The following RBFOX1 variants were observed in gnomAD, a reference collection of about 807,000 sequenced individuals.
RBFOX1 encodes RNA binding protein fox-1 homolog 1.
RBFOX1 carries 8 observed loss-of-function variants against 57.7 expected under a neutral mutation model. The observed-to-expected ratio is 0.14, with a 90% confidence interval of 0.08 to 0.25. RBFOX1 has a LOEUF of 0.25. Among genes scored for constraint, RBFOX1 ranks in the 10% least tolerant of loss-of-function variants. The probability of loss-of-function intolerance (pLI) is 1.00; values close to 1 mark genes in which losing one functional copy is unlikely to be tolerated. For missense variants in RBFOX1, 611 were observed against 548.5 expected (o/e 1.11, Z -1.14); for synonymous variants, 326 against 222.4 (o/e 1.47, Z -4.15).
At chr16:6,784,679 A>G (rs949231029) in intron 3 of RBFOX1, among the ~76,000 whole-genome samples, 16 of 149,526 alleles carry the variant, frequency 1.1e-4, no homozygotes, top group Non-Finnish European at 1.5e-4. Flanking sequence ...GCATGAGGGC[A>G]TTTGTTAATG....
intron 2 of RBFOX1, among the ~76,000 whole-genome samples, chr16:5,539,508 G>A (rs1049094039): frequency 3.9e-5 from 6 of 152,112 alleles, no homozygotes; most frequent in African/African-American, 1.4e-4. Context: ...GGGAGGCTGA[G>A]GCAGGAGAAT....
chr16:6,084,167 G>T (rs1425170522), intron 1 of RBFOX1, among the ~76,000 whole-genome samples: 1 of 152,160 alleles, frequency 6.6e-6, no homozygotes, highest in Non-Finnish European at 1.5e-5. Flanking sequence ...CATTGAGAGA[G>T]CACGTGTAAA....
intron 4 of RBFOX1, among the ~76,000 whole-genome samples, chr16:7,155,442 A>G (rs1382329061): frequency 6.6e-6 from 1 of 151,848 alleles, no homozygotes; most frequent in South Asian, 2.1e-4. Flanking sequence ...TGATAATAAT[A>G]GAAAATAGCA....
chr16:5,366,059 T>C (rs1441130241), intron 1 of RBFOX1: 9 of 474,336 alleles, frequency 1.9e-5, no homozygotes, highest in African/African-American at 1.6e-4. Context: ...ATGGTTTCCC[T>C]TGGGGCTTTG....
At chr16:6,307,395 C>G (rs947248514) in intron 1 of RBFOX1, among the ~76,000 whole-genome samples, 1 of 126,854 alleles carries the variant, frequency 7.9e-6, no homozygotes, top group Non-Finnish European at 1.5e-5. Context: ...ATAAAAAAAA[C>G]ATCATCATTA....
intron 3 of RBFOX1, among the ~76,000 whole-genome samples, chr16:5,829,644 T>C (rs1039173064): frequency 6.6e-6 from 1 of 151,962 alleles, no homozygotes; most frequent in Admixed American, 6.6e-5. Flanking sequence ...TGATCTCCCA[T>C]GGGCTGTGTA....
At chr16:7,116,909 G>T (rs949439848) in intron 4 of RBFOX1, among the ~76,000 whole-genome samples, 1 of 152,142 alleles carries the variant, frequency 6.6e-6, no homozygotes, top group Non-Finnish European at 1.5e-5. Context: ...GTGTGCTAGG[G>T]AGAGGAAGTT....
intron 4 of RBFOX1, among the ~76,000 whole-genome samples, chr16:7,428,052 T>G (rs1415766276): frequency 6.6e-6 from 1 of 152,202 alleles, no homozygotes; most frequent in East Asian, 1.9e-4. Flanking sequence ...TACCTGTCTT[T>G]TAAGTTGTGG....
intron 4 of RBFOX1, among the ~76,000 whole-genome samples, chr16:7,494,348 G>C (rs550598174): frequency 1.3e-5 from 2 of 152,204 alleles, no homozygotes; most frequent in Non-Finnish European, 2.9e-5. Context: ...TCCTACCATT[G>C]GCGGCTAGTG....
chr16:5,545,926 G>C (rs184515091), intron 2 of RBFOX1, among the ~76,000 whole-genome samples: 1 of 152,062 alleles, frequency 6.6e-6, no homozygotes, highest in African/African-American at 2.4e-5. Context: ...ATAAAATCCA[G>C]TGAGATCTAA....
chr16:5,902,088 C>G (rs1178818384), intron 4 of RBFOX1, among the ~76,000 whole-genome samples: 2 of 152,154 alleles, frequency 1.3e-5, no homozygotes, highest in Non-Finnish European at 2.9e-5. Flanking sequence ...ATCATATTCC[C>G]TCTTTTGAAC....
intron 3 of RBFOX1, among the ~76,000 whole-genome samples, chr16:6,975,933 C>A (rs1269070296): frequency 6.6e-6 from 1 of 152,052 alleles, no homozygotes; most frequent in African/African-American, 2.4e-5. Flanking sequence ...CCAGATCATG[C>A]TGGCCAACAT....
intron 1 of RBFOX1, among the ~76,000 whole-genome samples, chr16:6,153,219 A>T (rs4786088): frequency 4.0e-5 from 6 of 151,738 alleles, no homozygotes; most frequent in Non-Finnish European, 8.8e-5. Context: ...GTTCCAGAAC[A>T]GAATTAAAAC....
intron 2 of RBFOX1, among the ~76,000 whole-genome samples, chr16:6,558,053 CT>C (rs1287636383): frequency 6.6e-6 from 1 of 152,106 alleles, no homozygotes; most frequent in East Asian, 1.9e-4. Flanking sequence ...AAATTAGGCT[CT>C]TTTTTAAGGC....
At chr16:6,892,513 T>G (rs1032567139) in intron 3 of RBFOX1, among the ~76,000 whole-genome samples, 3 of 151,888 alleles carry the variant, frequency 2.0e-5, no homozygotes, top group Non-Finnish European at 4.4e-5. Flanking sequence ...CTACTAAAAA[T>G]ACAAAAATTA....
intron 4 of RBFOX1, among the ~76,000 whole-genome samples, chr16:7,078,507 C>T (rs564899317): frequency 6.6e-6 from 1 of 151,924 alleles, no homozygotes; most frequent in African/African-American, 2.4e-5. Context: ...GCCATCACGC[C>T]TGGCTAATTT....
rs1192407137 is a variant in RBFOX1, at chr16:7,567,333, ATGGCCC to A, written c.271-12442_271-12437del. On this transcript the variant is annotated intron_variant, in intron 5 of 15. Transcript: ENST00000550418. The stretch of plus-strand genomic sequence containing the variant: ...TATATATATATATATCTCCCTATAT[ATGGCCC>A]TATATATATATCCCTATATATGGCC... 1.8e-3 allele frequency among the ~76,000 whole-genome samples: 59 copies of A among 33,048 alleles called. 6 individuals carry two copies. The highest frequency in any genetic ancestry group is 4.5e-3 in the African/African-American group (55 of 12,190). 21.7% of individuals were successfully genotyped at this position (33,048 alleles called of 152,430 possible).
chr16:7,227,498 C>T (rs546935737), intron 4 of RBFOX1, among the ~76,000 whole-genome samples: 4 of 152,194 alleles, frequency 2.6e-5, no homozygotes, highest in Admixed American at 2.6e-4. Flanking sequence ...CTAACTGTCT[C>T]TACTGAAGTG....
intron 5 of RBFOX1, among the ~76,000 whole-genome samples, chr16:7,576,261 G>T (rs1399370298): frequency 6.6e-6 from 1 of 152,076 alleles, no homozygotes; most frequent in African/African-American, 2.4e-5. Flanking sequence ...GAAAAGTAAA[G>T]TGAAGGTCAG....
Sources: gnomAD v4.1 joint callset for allele counts (sites outside exome capture counted in the v4.1 genomes callset) on GRCh38, gnomAD v4.1.1 for gene constraint, MANE v1.5 for transcripts, NCBI Gene and HGNC (gene_info 2026-07-23, HGNC 2026-07-21) for gene names.